RBM39: variants seen among roughly 807,000 people sequenced by gnomAD.
The protein encoded by RBM39 is RNA binding motif protein 39, also known as RNA-binding protein 39.
Under a neutral mutation model 79.6 loss-of-function variants are expected in RBM39, and 12 were observed. The observed-to-expected ratio is 0.15, with a 90% CI of 0.10 to 0.24. The LOEUF (loss-of-function observed/expected upper bound fraction) is 0.24, where lower values mean the gene tolerates loss of function less well. Among genes scored for constraint, RBM39 ranks in the 10% least tolerant of loss-of-function variants. The pLI is 1.00. For missense variants in RBM39, 243 were observed against 653.4 expected (o/e 0.37, Z 6.85); for synonymous variants, 185 against 208.4 (o/e 0.89, Z 0.97).
rs1000862613 is a variant in RBM39, at chr20:35,702,449, T to C, written c.*2032A>G. 6 of 151,796 alleles carry C rather than the reference T, an allele frequency of 4.0e-5. No homozygotes were observed. Among genetic ancestry groups the C allele is most frequent in the Admixed American group, 1.3e-4 (2 of 15,276 alleles). 9.4% of individuals were successfully genotyped at this position (151,796 alleles called of 1,614,324 possible). A position where few individuals can be genotyped will look rare whatever the true frequency, so the allele number is the denominator to read the frequency against. On this transcript the variant is annotated 3_prime_UTR_variant, in exon 17 of 17. Coordinates refer to ENST00000253363, the MANE Select transcript of RBM39 (RefSeq NM_184234.3). The stretch of plus-strand genomic sequence containing the variant: ...AATTTCACTCTGGTAGCAACTAAAT[T>C]TTGGCACAGATGAGATTAACCACTA...
intron 12 of RBM39, among the ~76,000 whole-genome samples, chr20:35,709,821 A>T (rs1054061983): frequency 6.6e-6 from 1 of 152,224 alleles, no homozygotes; most frequent in Non-Finnish European, 1.5e-5. Flanking sequence ...AGGACTTTTC[A>T]AAGATTTAAC....
Position 35,703,528 on chromosome 20 carries a change from T to C in RBM39, c.*953A>G, listed in dbSNP as rs2035396041. ...TCGGAACATTTTCCCAAGAGGCAAG[T>C]ACTGAATTGAGACTAAAAGAAGCTA... On this transcript the variant is annotated 3_prime_UTR_variant, in exon 17 of 17. Transcript: ENST00000253363. The C allele has an allele frequency of 6.6e-6, 1 of 152,434 alleles. No homozygotes were observed. The highest frequency in any genetic ancestry group is 1.5e-5 in the Non-Finnish European group (1 of 68,040). 9.4% of individuals were successfully genotyped at this position (152,434 alleles called of 1,614,324 possible).
At chr20:35,730,568 T>C (rs2039257107) in intron 4 of RBM39, among the ~76,000 whole-genome samples, 1 of 152,204 alleles carries the variant, frequency 6.6e-6, no homozygotes, top group African/African-American at 2.4e-5. Context: ...TTCTTTCCCC[T>C]TTAATTATAA....
chr20:35,726,033 T>C (rs1183362090), intron 6 of RBM39, among the ~76,000 whole-genome samples: 2 of 152,200 alleles, frequency 1.3e-5, no homozygotes, highest in Non-Finnish European at 2.9e-5. Context: ...GTAACTCAAT[T>C]CCTTCTAAAA....
chr20:35,737,215 C>T (rs905055546), intron 3 of RBM39, among the ~76,000 whole-genome samples: 1 of 150,892 alleles, frequency 6.6e-6, no homozygotes, highest in African/African-American at 2.4e-5. Flanking sequence ...GATGGTGAAT[C>T]CCCATCTCTA....
intron 14 of RBM39, 38 bp downstream of exon 14, chr20:35,707,082 C>A: frequency 8.7e-7 from 1 of 1,148,500 alleles, no homozygotes; most frequent in Non-Finnish European, 1.2e-6. Context: ...CTATTGACGC[C>A]TTGATAGGAA....
intron 9 of RBM39, among the ~76,000 whole-genome samples, chr20:35,719,614 T>C (rs894142100): frequency 6.6e-6 from 1 of 151,238 alleles, no homozygotes; most frequent in Admixed American, 6.6e-5. Context: ...GAGGCGGAGG[T>C]TGCAGTGAGC....
intron 1 of RBM39, chr20:35,741,539 G>A (rs920765772): frequency 6.6e-6 from 1 of 152,232 alleles, no homozygotes; most frequent in Non-Finnish European, 1.5e-5. Context: ...AAACTCTGCT[G>A]TCAACTCCAA....
chr20:35,724,852 C>CCTATCTATATCCTATCTATATCCTAT, intron 7 of RBM39, 130 bp from the exon 8 acceptor site: 1 of 1,185,976 alleles, frequency 8.4e-7, no homozygotes, highest in Non-Finnish European at 1.2e-6. Context: ...TAGGACAATT[C>CCTATCTATATCCTATCTATATCCTAT]CTATATCCTA....
At chr20:35,737,162 C>T (rs553079230) in intron 3 of RBM39, among the ~76,000 whole-genome samples, 2 of 151,742 alleles carry the variant, frequency 1.3e-5, no homozygotes, top group South Asian at 4.2e-4. Context: ...GAGGCCAAGG[C>T]AGGTGGATCA....
At chr20:35,723,924 C>A (rs1372090113) in intron 8 of RBM39, among the ~76,000 whole-genome samples, 5 of 152,104 alleles carry the variant, frequency 3.3e-5, no homozygotes, top group Non-Finnish European at 5.9e-5. Context: ...ACCTGTAGAC[C>A]TAGCTACTCA....
chr20:35,731,163 G>A (rs1407895879), intron 4 of RBM39, among the ~76,000 whole-genome samples: 3 of 152,110 alleles, frequency 2.0e-5, no homozygotes, highest in Non-Finnish European at 2.9e-5. Flanking sequence ...GAAGTTAGAA[G>A]GGTTATTTTT....
intron 14 of RBM39, 131 bp downstream of exon 14, chr20:35,706,989 T>C (rs533784674): frequency 1.9e-5 from 8 of 412,910 alleles, no homozygotes; most frequent in Non-Finnish European, 3.1e-5. Flanking sequence ...ATCGCGCCAT[T>C]GCACTCCAGC....
At chr20:35,707,458 G>T in intron 13 of RBM39, 1 of 274,324 alleles carries the variant, frequency 3.6e-6, no homozygotes. Flanking sequence ...TAAACTTTAT[G>T]TGTTATCAAA....
chr20:35,722,154 T>C (rs1369719904), intron 8 of RBM39, among the ~76,000 whole-genome samples: 1 of 152,032 alleles, frequency 6.6e-6, no homozygotes, highest in South Asian at 2.1e-4. Flanking sequence ...ACACCTGTAA[T>C]CCCAGCACTT....
At chr20:35,724,521 G>C (rs1348845975) in intron 8 of RBM39, 49 bp downstream of exon 8, 1 of 1,585,068 alleles carries the variant, frequency 6.3e-7, no homozygotes, top group African/African-American at 1.4e-5. Context: ...TGCAACAGGA[G>C]GCTTTCAACA....
At chr20:35,723,487 G>A (rs1468963597) in intron 8 of RBM39, among the ~76,000 whole-genome samples, 1 of 152,188 alleles carries the variant, frequency 6.6e-6, no homozygotes, top group South Asian at 2.1e-4. Context: ...CGCCCAGGCT[G>A]CAGTGCAATG....
chr20:35,724,102 C>A (rs2146622258), intron 8 of RBM39, among the ~76,000 whole-genome samples: 1 of 152,100 alleles, frequency 6.6e-6, no homozygotes, highest in African/African-American at 2.4e-5. Context: ...AAGGCTGGGG[C>A]AGGTGGATCA....
Position 35,710,518 on chromosome 20 carries a change from CA to C in RBM39, c.1175-1245del, listed in dbSNP as rs1458096907. 3.9e-5 allele frequency: 6 copies of C among 152,034 alleles called. No homozygotes were observed. The South Asian group carries it at 1.2e-3, about 31-fold the overall frequency. The allele number at this position is 152,034 out of a possible 1,614,324, so 9.4% of individuals were successfully genotyped here. A position where few individuals can be genotyped will look rare whatever the true frequency, so the allele number is the denominator to read the frequency against. On this transcript the variant is annotated intron_variant, in intron 12 of 16. Coordinates refer to ENST00000253363, the MANE Select transcript of RBM39 (RefSeq NM_184234.3). Reference sequence around the variant, plus strand: ...AAATGATTTGTCATATCATTTGTGACAAAGTGAAAAATAAAGCATGGTTTTC... The same window carrying C: ...AAATGATTTGTCATATCATTTGTGACAAGTGAAAAATAAAGCATGGTTTTC...
Sources: allele counts gnomAD v4.1 joint callset (sites outside exome capture counted in the v4.1 genomes callset), GRCh38; gene constraint gnomAD v4.1.1; transcripts MANE v1.5; gene names NCBI Gene and HGNC (gene_info 2026-07-23, HGNC 2026-07-21).